SLC17A1: variants seen among roughly 807,000 people sequenced by gnomAD.
SLC17A1 encodes the protein solute carrier family 17 member 1.
In SLC17A1, 51 loss-of-function variants were observed where a neutral mutation model predicts 53.5. The observed-to-expected ratio is 0.95, with a 90% CI of 0.76 to 1.20. The LOEUF is 1.20. Ranked by LOEUF, SLC17A1 falls within the 50% of genes most tolerant of loss-of-function variation. The probability of loss-of-function intolerance (pLI) is 0.00; values close to 1 mark genes in which losing one functional copy is unlikely to be tolerated. For missense variants in SLC17A1, 538 were observed against 568.2 expected, an observed-to-expected ratio of 0.95 and a Z score of 0.54; for synonymous variants, 179 against 198.8, an observed-to-expected ratio of 0.90 and a Z score of 0.84.
the SLC17A1 span, among the ~76,000 whole-genome samples, chr6:25,729,997 T>C: frequency 3.3e-5 from 5 of 152,130 alleles, no homozygotes; most frequent in Non-Finnish European, 1.5e-5. Context: ...CCAAATTGAG[T>C]TTTCAAAATA....
chr6:25,764,396 G>A, the SLC17A1 span, among the ~76,000 whole-genome samples: 2 of 152,090 alleles, frequency 1.3e-5, no homozygotes, highest in Admixed American at 6.6e-5. Flanking sequence ...GCCATCTGAA[G>A]GACAATTTAC....
the SLC17A1 span, among the ~76,000 whole-genome samples, chr6:25,761,011 C>T: frequency 1.3e-5 from 2 of 152,084 alleles, no homozygotes; most frequent in Admixed American, 1.3e-4. Flanking sequence ...TTATTTTGAG[C>T]TCATAATATA....
rs760708197 is a variant in SLC17A1 at position 25,819,799 on chromosome 6, C to A, written c.324G>T (p.Lys108Asn). Residue 108 changes from lysine (K) to asparagine (N), a missense_variant, in exon 4 of 13, where the codon AAG becomes AAT. Coordinates refer to ENST00000244527, the MANE Select transcript of SLC17A1 (RefSeq NM_005074.5). ...VGYFSGIYST[K>N]KMIGFALCLS... ...GGCATAATGCAAAGCCAATCATTTT[C>A]TTTGTAGAATATATTCCAGAGAAGT... is the stretch of plus-strand genomic sequence containing the variant. The A allele has an allele frequency of 3.0e-5, 48 of 1,614,020 alleles. 1 individual carries two copies. The highest frequency in any genetic ancestry group is 3.7e-5 in the Non-Finnish European group (44 of 1,180,000).
At chr6:25,727,484 T>C in the SLC17A1 span, among the ~76,000 whole-genome samples, 2 of 150,448 alleles carry the variant, frequency 1.3e-5, no homozygotes. Flanking sequence ...CTCTGCCTCC[T>C]GAGTTCACGC....
At chr6:25,831,051 C>T (rs1764928017) in intron 1 of SLC17A1, among the ~76,000 whole-genome samples, 1 of 151,900 alleles carries the variant, frequency 6.6e-6, no homozygotes, top group Admixed American at 6.6e-5. Flanking sequence ...TTCCTTTTTT[C>T]CCCCTGTATC....
At chr6:25,737,266 G>A in the SLC17A1 span, among the ~76,000 whole-genome samples, 1 of 152,042 alleles carries the variant, frequency 6.6e-6, no homozygotes, top group East Asian at 1.9e-4. Context: ...TCAGGCTTTT[G>A]CATTTCTGAT....
the SLC17A1 span, chr6:25,726,447 G>A: frequency 0.3 from 482,972 of 1,613,744 alleles, 80,170 homozygotes; most frequent in East Asian, 0.71. Context: ...TCCGGCCTAC[G>A]GGAAACTGCA....
At chr6:25,736,426 G>T in the SLC17A1 span, among the ~76,000 whole-genome samples, 1 of 152,144 alleles carries the variant, frequency 6.6e-6, no homozygotes, top group African/African-American at 2.4e-5. Flanking sequence ...AAATGGCTTT[G>T]TTCTTAATCA....
At chr6:25,811,376 A>G in intron 10 of SLC17A1, 22 bp downstream of exon 10, 1 of 1,584,312 alleles carries the variant, frequency 6.3e-7, no homozygotes, top group Non-Finnish European at 8.6e-7. Context: ...AGGTTAAAAA[A>G]AAGCGTATAA....
intron 10 of SLC17A1, among the ~76,000 whole-genome samples, chr6:25,803,886 C>T (rs1180850777): frequency 6.6e-6 from 1 of 151,938 alleles, no homozygotes; most frequent in Non-Finnish European, 1.5e-5. Context: ...TAAACGTTCT[C>T]TTATTAATCC....
downstream of SLC17A1, chr6:25,782,768 G>A (rs186181690): frequency 2.0e-4 from 30 of 152,240 alleles, no homozygotes; most frequent in African/African-American, 5.1e-4. Flanking sequence ...GCCCACCAGC[G>A]AGGGAGCTGA....
At chr6:25,808,016 C>T (rs534398681) in intron 10 of SLC17A1, among the ~76,000 whole-genome samples, 17 of 152,182 alleles carry the variant, frequency 1.1e-4, no homozygotes, top group African/African-American at 4.1e-4. Context: ...TGGTATTCTA[C>T]TTCTAGTTCT....
chr6:25,752,152 G>A, the SLC17A1 span, among the ~76,000 whole-genome samples: 5 of 152,184 alleles, frequency 3.3e-5, no homozygotes, highest in South Asian at 6.2e-4. Context: ...GAAATGTGCT[G>A]TGCGGCAGTT....
chr6:25,769,058 G>T, the SLC17A1 span: 1 of 1,613,988 alleles, frequency 6.2e-7, no homozygotes, highest in Non-Finnish European at 8.5e-7. Context: ...CCCAACAAAT[G>T]AACTTGAGCA....
At chr6:25,743,417 C>T in the SLC17A1 span, among the ~76,000 whole-genome samples, 30,544 of 151,796 alleles carry the variant, frequency 0.2, 3,306 homozygotes, top group Middle Eastern at 0.26. Flanking sequence ...CTATTTTTGC[C>T]AGAAACTTAA....
chr6:25,830,585 C>T lies in SLC17A1; in HGVS notation c.-28G>A. 1 of 1,613,644 alleles carries T rather than the reference C, an allele frequency of 6.2e-7. No homozygotes were observed. The highest frequency in any genetic ancestry group is 8.5e-7 in the Non-Finnish European group (1 of 1,179,718). ...ACGGCTGAAGTTGCTTCTCTTCTTG[C>T]TGAAGGGTTTTGCCTCCACCCACTG... is the stretch of plus-strand genomic sequence containing the variant. On this transcript the variant is annotated 5_prime_UTR_variant, in exon 2 of 13. Coordinates refer to ENST00000244527, the MANE Select transcript of SLC17A1 (RefSeq NM_005074.5).
chr6:25,747,239 A>G, the SLC17A1 span, among the ~76,000 whole-genome samples: 1 of 152,256 alleles, frequency 6.6e-6, no homozygotes, highest in Non-Finnish European at 1.5e-5. Context: ...AGCAAAGTGC[A>G]ATTGTTCTGG....
the SLC17A1 span, among the ~76,000 whole-genome samples, chr6:25,741,794 G>A: frequency 6.6e-6 from 1 of 151,864 alleles, no homozygotes; most frequent in African/African-American, 2.4e-5. Context: ...CCAGCTAGTC[G>A]GGTGGCTGAG....
the SLC17A1 span, chr6:25,769,137 T>G: frequency 6.2e-7 from 1 of 1,614,026 alleles, no homozygotes; most frequent in Non-Finnish European, 8.5e-7. Flanking sequence ...AGAACGGCCC[T>G]CCACTGACTC....
Sources: allele counts gnomAD v4.1 joint callset (sites outside exome capture counted in the v4.1 genomes callset), GRCh38; gene constraint gnomAD v4.1.1; transcripts MANE v1.5; gene names NCBI Gene and HGNC (gene_info 2026-07-23, HGNC 2026-07-21).